ARSK: variants seen among roughly 807,000 people sequenced by gnomAD.
The protein encoded by ARSK is arylsulfatase K.
In ARSK, 37 loss-of-function variants were observed where a neutral mutation model predicts 53.2. The observed-to-expected ratio is 0.70, with a 90% confidence interval of 0.54 to 0.92. The LOEUF (loss-of-function observed/expected upper bound fraction) is 0.92, where lower values mean the gene tolerates loss of function less well. Among genes scored for constraint, ARSK ranks in the 40% least tolerant of loss-of-function variants. ARSK has a pLI of 0.00. For missense variants in ARSK, 613 were observed against 643.0 expected, an observed-to-expected ratio of 0.95 and a Z score of 0.51; for synonymous variants, 208 against 223.2, an observed-to-expected ratio of 0.93 and a Z score of 0.61.
intron 3 of ARSK, among the ~76,000 whole-genome samples, chr5:95,579,606 C>T (rs974947629): frequency 6.6e-6 from 1 of 152,250 alleles, no homozygotes; most frequent in Admixed American, 6.5e-5. Flanking sequence ...GGTCCATGGA[C>T]CACACTTGGA....
chr5:95,563,070 T>C (rs1481298127), intron 1 of ARSK, among the ~76,000 whole-genome samples: 15 of 152,236 alleles, frequency 9.9e-5, no homozygotes, highest in Admixed American at 7.2e-4. Flanking sequence ...ATTGATACCA[T>C]TATCAGCAGT....
intron 3 of ARSK, among the ~76,000 whole-genome samples, chr5:95,572,202 C>T (rs1296884526): frequency 2.6e-5 from 4 of 152,150 alleles, no homozygotes; most frequent in African/African-American, 9.7e-5. Flanking sequence ...ACAGTTGTTT[C>T]ATCTGGACAG....
intron 1 of ARSK, among the ~76,000 whole-genome samples, chr5:95,557,588 C>T (rs1748545086): frequency 6.6e-6 from 1 of 152,126 alleles, no homozygotes; most frequent in African/African-American, 2.4e-5. Flanking sequence ...TAGGTATATT[C>T]AACTATATAG....
In ARSK at chr5:95,603,574, C is replaced by T. The variant is rs777980214; in HGVS notation, c.*48C>T. On this transcript the variant is annotated 3_prime_UTR_variant, in exon 8 of 8. Transcript: ENST00000380009. ...TCTAGAGATACATATAAATATATTA[C>T]AAGATCATAATTATGTATTTTAAAT... is the stretch of plus-strand genomic sequence containing the variant. The T allele has an allele frequency of 3.5e-6, 5 of 1,409,564 alleles. No individual in the cohort carries two copies. Among genetic ancestry groups the T allele is most frequent in the Non-Finnish European group, 4.7e-6 (5 of 1,062,196 alleles). 87.3% of individuals were successfully genotyped at this position (1,409,564 alleles called of 1,614,324 possible).
At chr5:95,560,055 C>T (rs1224970391) in intron 1 of ARSK, among the ~76,000 whole-genome samples, 1 of 151,850 alleles carries the variant, frequency 6.6e-6, no homozygotes, top group East Asian at 1.9e-4. Flanking sequence ...CACTTATAGT[C>T]AAATTAAGAA....
intron 5 of ARSK, among the ~76,000 whole-genome samples, chr5:95,588,238 ATT>A (rs557510001): frequency 4.9e-4 from 70 of 141,814 alleles, no homozygotes; most frequent in African/African-American, 7.3e-4. Flanking sequence ...CTGTATCTTA[ATT>A]TTTTTTTTTT....
intron 5 of ARSK, among the ~76,000 whole-genome samples, chr5:95,589,547 CGTTA>C (rs754081441): frequency 5.5e-4 from 83 of 152,240 alleles, no homozygotes; most frequent in Admixed American, 9.8e-4. Context: ...TCTGTTCCTG[CGTTA>C]GTTAGCTAAA....
At chr5:95,580,273 A>G (rs1325928265) in intron 3 of ARSK, among the ~76,000 whole-genome samples, 1 of 152,218 alleles carries the variant, frequency 6.6e-6, no homozygotes, top group Non-Finnish European at 1.5e-5. Context: ...AAATACCCCC[A>G]GTGGTTAAGT....
chr5:95,586,410 T>G (rs988151520), intron 4 of ARSK, 152 bp from the exon 5 acceptor site: 37 of 620,882 alleles, frequency 6.0e-5, no homozygotes, highest in Non-Finnish European at 8.7e-5. Flanking sequence ...TCCTAATTTA[T>G]GTATTGATTT....
chr5:95,557,106 A>G (rs1009800625), intron 1 of ARSK: 3 of 152,128 alleles, frequency 2.0e-5, no homozygotes, highest in African/African-American at 7.2e-5. Flanking sequence ...AAACTGTCCT[A>G]TCTTTGGCCA....
intron 6 of ARSK, among the ~76,000 whole-genome samples, chr5:95,598,461 G>A (rs890113119): frequency 1.3e-4 from 19 of 151,952 alleles, no homozygotes; most frequent in South Asian, 2.1e-4. Flanking sequence ...TGGATATTTC[G>A]CATGGGTTTT....
chr5:95,577,647 G>A (rs1748948098), intron 3 of ARSK, among the ~76,000 whole-genome samples: 1 of 152,108 alleles, frequency 6.6e-6, no homozygotes, highest in Admixed American at 6.6e-5. Context: ...GTAAATATTA[G>A]TGCTTCCACA....
At chr5:95,562,772 A>G (rs997775944) in intron 1 of ARSK, among the ~76,000 whole-genome samples, 1 of 152,240 alleles carries the variant, frequency 6.6e-6, no homozygotes, top group African/African-American at 2.4e-5. Flanking sequence ...GGTCATTTTT[A>G]TTTCTTAAAT....
chr5:95,559,172 T>A (rs1257660658), intron 1 of ARSK, among the ~76,000 whole-genome samples: 1 of 152,074 alleles, frequency 6.6e-6, no homozygotes, highest in Admixed American at 6.6e-5. Context: ...AGTTCATGCC[T>A]GATTCCAAAG....
intron 2 of ARSK, among the ~76,000 whole-genome samples, chr5:95,566,826 G>T (rs1748733492): frequency 6.6e-6 from 1 of 152,068 alleles, no homozygotes; most frequent in African/African-American, 2.4e-5. Flanking sequence ...GGCACTCAGT[G>T]ATTTGGTTTG....
At chr5:95,566,625 T>C (rs995933895) in intron 2 of ARSK, among the ~76,000 whole-genome samples, 1 of 152,204 alleles carries the variant, frequency 6.6e-6, no homozygotes, top group East Asian at 1.9e-4. Flanking sequence ...CCAAGTCAAA[T>C]TGTTCACTTT....
At position 95,561,879 on chromosome 5, in the gene ARSK, G is replaced by T. The variant is rs530494064; in HGVS notation, c.127-4119G>T. 1.2e-4 allele frequency among the ~76,000 whole-genome samples: 19 copies of T among 152,284 alleles called. No homozygotes were observed. The South Asian group carries it at 1.9e-3, about 15-fold the overall frequency. On this transcript the variant is annotated intron_variant, in intron 1 of 7. Transcript: ENST00000380009. ...ATTGTACACTTTAAATGGATGAGTT[G>T]TTTAGTGTGTTAATTATATCTTAAT...
chr5:95,594,756 C>T (rs143581196), intron 6 of ARSK, among the ~76,000 whole-genome samples: 255 of 151,750 alleles, frequency 1.7e-3, no homozygotes, highest in Admixed American at 7.0e-3. Context: ...AGGAGAATGG[C>T]GTGAATCTGG....
intron 1 of ARSK, among the ~76,000 whole-genome samples, chr5:95,560,802 C>CTT (rs70978188): frequency 1.1e-4 from 12 of 108,284 alleles, no homozygotes; most frequent in Non-Finnish European, 2.1e-4. Flanking sequence ...GGCAAAAGAT[C>CTT]TTTTTTTTTT....
Sources: allele counts gnomAD v4.1 joint callset (sites outside exome capture counted in the v4.1 genomes callset), GRCh38; gene constraint gnomAD v4.1.1; transcripts MANE v1.5; gene names NCBI Gene and HGNC (gene_info 2026-07-23, HGNC 2026-07-21).